Variants in ABCB4 observed in about 807,000 individuals in gnomAD.
ABCB4 encodes the protein ATP binding cassette subfamily B member 4.
A neutral mutation model predicts 145.7 loss-of-function variants in ABCB4; 76 were observed. The ratio of observed to expected loss-of-function variants is 0.52; its 90% CI spans 0.43 to 0.63. ABCB4 has a LOEUF of 0.63. Ranked by LOEUF, ABCB4 falls within the 30% of genes least tolerant of loss-of-function variation. The pLI is 0.00. For synonymous variants in ABCB4, 517 were observed against 566.8 expected, an observed-to-expected ratio of 0.91 and a Z score of 1.25; for missense variants, 1,234 against 1,553.1, an observed-to-expected ratio of 0.79 and a Z score of 3.45.
rs988987669 is a variant in ABCB4 at position 87,424,015 on chromosome 7, A to G, written c.2102T>C (p.Leu701Pro). The G allele has an allele frequency of 1.9e-6, 3 of 1,613,958 alleles. No homozygotes were observed. The highest frequency in any genetic ancestry group is 2.5e-6 in the Non-Finnish European group (3 of 1,179,972). Reference sequence around the variant, plus strand: ...GGGCCATTCTGTTTTATTCAGTTTCAGGACCTTCAGAAAGGACACTGGTGG... The same window carrying G: ...GGGCCATTCTGTTTTATTCAGTTTCGGGACCTTCAGAAAGGACACTGGTGG... ...NVPPVSFLKV[L>P]KLNKTEWPYF... Residue 701 changes from leucine to proline, a missense_variant, in exon 17 of 28, where the codon CTG (leucine) becomes CCG (proline). Leu to Pro is a moderately conservative substitution (Grantham distance 98). This residue lies in a region of ABCB4 where 321 missense variants were observed against 332.6 expected (regional missense o/e 0.97). Coordinates refer to ENST00000649586, the MANE Select transcript of ABCB4 (RefSeq NM_000443.4).
chr7:87,429,783 C>A (rs772113742), intron 15 of ABCB4, among the ~76,000 whole-genome samples: 60 of 152,124 alleles, frequency 3.9e-4, no homozygotes, highest in South Asian at 8.3e-4. Flanking sequence ...CTGTAGAACA[C>A]CCTCTGGCAC....
chr7:87,381,658 C>T, the ABCB4 span, among the ~76,000 whole-genome samples: 1 of 152,202 alleles, frequency 6.6e-6, no homozygotes, highest in Non-Finnish European at 1.5e-5. Flanking sequence ...TATACACCCT[C>T]ATGACCCCAA....
chr7:87,453,082 A>G lies in ABCB4; in HGVS notation c.398T>C (p.Ile133Thr), dbSNP rs200544332. Reference protein sequence around the residue: ...LGAGVLVAAYIQVSFWTLAAG... With the variant: ...LGAGVLVAAYTQVSFWTLAAG... ...TGCCAAAGTCCAAAATGAAACTTGTATATAGGCAGCAACAAGAACTCCAGC... is the reference window on the plus strand; with the variant it reads ...TGCCAAAGTCCAAAATGAAACTTGTGTATAGGCAGCAACAAGAACTCCAGC... Residue 133 changes from isoleucine (I) to threonine (T), a missense_variant, in exon 6 of 28, where the codon ATA becomes ACA. Physicochemically the swap from Ile to Thr is moderately conservative, Grantham distance 89 (BLOSUM62 -1). Around this residue, in one of 7 missense-constraint regions of ABCB4, gnomAD observed 467 missense variants for 632.8 expected, o/e 0.74. Transcript: ENST00000649586. The G allele has an allele frequency of 1.9e-6, 3 of 1,614,176 alleles. No homozygotes were observed. The Admixed American group carries it at 5.0e-5, about 27-fold the overall frequency.
the ABCB4 span, among the ~76,000 whole-genome samples, chr7:87,368,595 T>C: frequency 6.6e-6 from 1 of 152,236 alleles, no homozygotes; most frequent in Non-Finnish European, 1.5e-5. Context: ...AGATAATGTA[T>C]GTAAAGCACT....
At chr7:87,427,942 C>T (rs1197390891) in intron 15 of ABCB4, among the ~76,000 whole-genome samples, 1 of 152,136 alleles carries the variant, frequency 6.6e-6, no homozygotes, top group Non-Finnish European at 1.5e-5. Flanking sequence ...TGATCCCTTG[C>T]ATTCTCACTG....
chr7:87,449,850 A>C, intron 8 of ABCB4, 118 bp downstream of exon 8: 1 of 1,506,126 alleles, frequency 6.6e-7, no homozygotes, highest in Non-Finnish European at 9.1e-7. Context: ...GGTGCTTATA[A>C]TTTATGCGAG....
intron 14 of ABCB4, among the ~76,000 whole-genome samples, chr7:87,436,475 C>T (rs1271563413): frequency 6.6e-6 from 1 of 152,044 alleles, no homozygotes; most frequent in Non-Finnish European, 1.5e-5. Context: ...AGTAAACTCA[C>T]AAAGTCTTTA....
At chr7:87,469,950 GCTAC>G (rs1376180422) in intron 3 of ABCB4, among the ~76,000 whole-genome samples, 1 of 152,188 alleles carries the variant, frequency 6.6e-6, no homozygotes, top group Non-Finnish European at 1.5e-5. Context: ...GAGGCATCAT[GCTAC>G]CTGACTTCAA....
intron 3 of ABCB4, among the ~76,000 whole-genome samples, chr7:87,464,658 A>T (rs947912465): frequency 2.0e-5 from 3 of 152,220 alleles, no homozygotes; most frequent in African/African-American, 7.2e-5. Flanking sequence ...TTTTCCAGAA[A>T]ATAATATATT....
At chr7:87,467,730 G>C (rs1263364697) in intron 3 of ABCB4, among the ~76,000 whole-genome samples, 1 of 152,182 alleles carries the variant, frequency 6.6e-6, no homozygotes. Flanking sequence ...TAGAACTCAG[G>C]ATTAAGAAAC....
intron 8 of ABCB4, 96 bp downstream of exon 8, chr7:87,449,872 T>A (rs1811592202): frequency 3.5e-5 from 56 of 1,590,744 alleles, no homozygotes; most frequent in Non-Finnish European, 4.7e-5. Flanking sequence ...AGGGTTAATA[T>A]TAGGAAAGGG....
chr7:87,380,815 A>C, the ABCB4 span, among the ~76,000 whole-genome samples: 1 of 152,328 alleles, frequency 6.6e-6, no homozygotes, highest in Admixed American at 6.5e-5. Context: ...GAAACAATAT[A>C]TTTGATAATA....
Position 87,439,801 on chromosome 7 carries a change from G to A in ABCB4, c.1597C>T (p.Leu533=). 6.2e-7 allele frequency: 1 copy of A among 1,614,144 alleles called. No homozygotes were observed. Among genetic ancestry groups the A allele is most frequent in the Non-Finnish European group, 8.5e-7 (1 of 1,180,018 alleles). ...DTLVGERGAQ[L]SGGQKQRIAI... is the part of the protein sequence containing the mutation. The stretch of plus-strand genomic sequence containing the variant: ...ATCCTCTGCTTCTGCCCACCACTCA[G>A]CTGGGCCCCTCTCTCTCCAACCAGG... The change falls in exon 14 of 28, where the codon CTG becomes TTG. Residue 533 remains leucine (L), a synonymous_variant. Coordinates refer to ENST00000649586, the MANE Select transcript of ABCB4 (RefSeq NM_000443.4).
In ABCB4 at chr7:87,401,707, A is replaced by C. The variant is rs985369369; in HGVS notation, c.*389T>G. On this transcript the variant is annotated 3_prime_UTR_variant, in exon 28 of 28. Transcript: ENST00000649586. ...ATTACCAAGAGAGATGAGGCTATTG[A>C]ACAATTTATTTTTCTTTTGTACTTG... 6.5e-6 allele frequency: 2 copies of C among 306,176 alleles called. No homozygotes were observed. The highest frequency in any genetic ancestry group is 6.0e-5 in the South Asian group (2 of 33,468). The allele number at this position is 306,176 out of a possible 1,614,324, so 19.0% of individuals were successfully genotyped here.
At position 87,426,875 on chromosome 7, in the gene ABCB4, C is replaced by T. The variant is rs972726699; in HGVS notation, c.1939G>A (p.Glu647Lys). The T allele has an allele frequency of 1.4e-5, 23 of 1,613,420 alleles. No homozygotes were observed. The highest frequency in any genetic ancestry group is 1.9e-5 in the Non-Finnish European group (23 of 1,179,940). ...GGGGCCATTCTAGTGGCAGCCTTTT[C>T]ATCATTTAGTTCAAATTCTTCTGAC... ...IQSEEFELND[E>K]KAATRMAPNG... Residue 647 changes from glutamate (E) to lysine (K), a missense_variant, in exon 16 of 28, where the codon GAA becomes AAA. Coordinates refer to ENST00000649586, the MANE Select transcript of ABCB4 (RefSeq NM_000443.4).
At chr7:87,389,627 TG>T in the ABCB4 span, among the ~76,000 whole-genome samples, 148 of 129,880 alleles carry the variant, frequency 1.1e-3, 1 homozygote, top group African/African-American at 4.3e-3. Flanking sequence ...TGTCATGGGG[TG>T]GGGGGCTAGG....
chr7:87,450,232 C>A, intron 7 of ABCB4, 140 bp from the exon 8 acceptor site: 1 of 1,221,186 alleles, frequency 8.2e-7, no homozygotes, highest in East Asian at 2.5e-5. Flanking sequence ...TGCCAGTGTT[C>A]TGGATCCAAT....
the ABCB4 span, among the ~76,000 whole-genome samples, chr7:87,395,863 A>G: frequency 9.9e-5 from 15 of 152,174 alleles, no homozygotes; most frequent in Non-Finnish European, 2.1e-4. Flanking sequence ...CATTACATGC[A>G]GGACTCAATA....
intron 8 of ABCB4, among the ~76,000 whole-genome samples, chr7:87,448,171 G>T (rs944093364): frequency 5.3e-5 from 8 of 151,714 alleles, no homozygotes; most frequent in African/African-American, 1.9e-4. Context: ...GACCCAGAGG[G>T]TATGTAAAAT....
Sources: gnomAD v4.1 joint callset for allele counts (sites outside exome capture counted in the v4.1 genomes callset) on GRCh38, gnomAD v4.1.1 for gene constraint, gnomAD v4.1.1 regional missense constraint, MANE v1.5 for transcripts, NCBI Gene and HGNC (gene_info 2026-07-23, HGNC 2026-07-21) for gene names.